Variants in GIPC2 observed in about 807,000 individuals in gnomAD.
The protein encoded by GIPC2 is GIPC PDZ domain containing family member 2.
GIPC2 carries 30 observed loss-of-function variants against 30.6 expected under a neutral mutation model. The ratio of observed to expected loss-of-function variants is 0.98; its 90% CI spans 0.73 to 1.33. The LOEUF (loss-of-function observed/expected upper bound fraction) is 1.33, where lower values mean the gene tolerates loss of function less well. Among genes scored for constraint, GIPC2 ranks in the 40% most tolerant of loss-of-function variants. GIPC2 has a pLI of 0.00. For synonymous variants in GIPC2, 167 were observed against 150.0 expected (o/e 1.11, Z -0.83); for missense variants, 414 against 390.3 (o/e 1.06, Z -0.51).
Position 78,095,124 on chromosome 1 carries a change from A to G in GIPC2, c.599A>G (p.Lys200Arg). 1 of 1,610,584 alleles carries G rather than the reference A, an allele frequency of 6.2e-7. No individual in the cohort carries two copies. The highest frequency in any genetic ancestry group is 2.2e-5 in the East Asian group (1 of 44,836). ...ACTATGAAGTTAATAGAACCTAAGAAGGCATTTGGTAAGTCAGGGGTTGGT... is the reference window on the plus strand; with the variant it reads ...ACTATGAAGTTAATAGAACCTAAGAGGGCATTTGGTAAGTCAGGGGTTGGT... The part of the protein sequence containing the change: ...LFTMKLIEPK[K>R]AFEIELRSKA... Residue 200 changes from lysine to arginine, a missense_variant, in exon 3 of 6, where the codon AAG becomes AGG. Transcript: ENST00000370759.
intron 4 of GIPC2, among the ~76,000 whole-genome samples, chr1:78,123,243 G>T (rs1662716717): frequency 7.5e-6 from 1 of 134,052 alleles, no homozygotes. Flanking sequence ...CTGGGTGACA[G>T]AGTGAGACTC....
chr1:78,112,579 G>A (rs954809357), intron 3 of GIPC2: 6 of 518,212 alleles, frequency 1.2e-5, no homozygotes, highest in African/African-American at 1.2e-4. Flanking sequence ...GCCTCGTTCT[G>A]TGCGGAAGTG....
At chr1:78,090,801 G>A (rs1461712227) in intron 2 of GIPC2, among the ~76,000 whole-genome samples, 1 of 152,168 alleles carries the variant, frequency 6.6e-6, no homozygotes, top group East Asian at 1.9e-4. Flanking sequence ...GGAAGTCAAG[G>A]GGGCAGAGGA....
intron 3 of GIPC2, among the ~76,000 whole-genome samples, chr1:78,105,054 GAC>G (rs1662318864): frequency 6.6e-6 from 1 of 152,146 alleles, no homozygotes; most frequent in African/African-American, 2.4e-5. Flanking sequence ...AGATGTGTTA[GAC>G]AAGTGCTGAG....
chr1:78,070,027 T>C (rs1661588334), intron 1 of GIPC2, among the ~76,000 whole-genome samples: 1 of 152,176 alleles, frequency 6.6e-6, no homozygotes, highest in Non-Finnish European at 1.5e-5. Flanking sequence ...TTTTTAAATA[T>C]CACACTCTCT....
intron 1 of GIPC2, among the ~76,000 whole-genome samples, chr1:78,072,860 A>G (rs1661648068): frequency 6.6e-6 from 1 of 152,114 alleles, no homozygotes; most frequent in African/African-American, 2.4e-5. Flanking sequence ...GCTGGAATGC[A>G]GTGGCATGAT....
intron 3 of GIPC2, among the ~76,000 whole-genome samples, chr1:78,116,150 G>A (rs961143388): frequency 2.0e-5 from 3 of 152,180 alleles, no homozygotes; most frequent in African/African-American, 7.2e-5. Flanking sequence ...AAGAGAGCAT[G>A]CAAGAGCAGG....
intron 5 of GIPC2, among the ~76,000 whole-genome samples, chr1:78,134,085 C>T (rs182934138): frequency 2.6e-5 from 4 of 152,128 alleles, no homozygotes; most frequent in East Asian, 1.9e-4. Context: ...ACCAAGATTT[C>T]GGTGCTTTGT....
chr1:78,081,309 T>A (rs1003575092), intron 2 of GIPC2, among the ~76,000 whole-genome samples: 1 of 152,208 alleles, frequency 6.6e-6, no homozygotes, highest in African/African-American at 2.4e-5. Context: ...GGTTCTGTAT[T>A]AGTGGATTCA....
At position 78,136,037 on chromosome 1, in the gene GIPC2, C is replaced by A; in HGVS notation, c.*294C>A. 4.8e-6 allele frequency: 1 copy of A among 209,472 alleles called. No homozygotes were observed. Among genetic ancestry groups the A allele is most frequent in the Non-Finnish European group, 9.3e-6 (1 of 107,386 alleles). The allele number at this position is 209,472 out of a possible 1,614,324, so 13.0% of individuals were successfully genotyped here. ...ATTTCTCGACAGATGATTTTCTTCT[C>A]CATTAATACCCATGCTTTGTTTTTC... is the stretch of plus-strand genomic sequence containing the variant. On this transcript the variant is annotated 3_prime_UTR_variant, in exon 6 of 6. Transcript: ENST00000370759.
At chr1:78,114,904 G>A (rs1287921012) in intron 3 of GIPC2, among the ~76,000 whole-genome samples, 1 of 152,152 alleles carries the variant, frequency 6.6e-6, no homozygotes, top group African/African-American at 2.4e-5. Context: ...GTGGGGATAG[G>A]GAGCATATGG....
chr1:78,069,269 G>T (rs535100582), intron 1 of GIPC2: 1 of 181,600 alleles, frequency 5.5e-6, no homozygotes, highest in Non-Finnish European at 1.1e-5. Flanking sequence ...TGAAAAGCCT[G>T]AACCTAGAAG....
At chr1:78,083,038 T>C (rs188281843) in intron 2 of GIPC2, among the ~76,000 whole-genome samples, 5 of 152,278 alleles carry the variant, frequency 3.3e-5, no homozygotes, top group African/African-American at 1.2e-4. Context: ...AGTACAATTA[T>C]GAAATTCATA....
In GIPC2 at chr1:78,061,468, G is replaced by T. The variant is rs1217906489; in HGVS notation, c.240+15134G>T. Among the ~76,000 whole-genome samples, 8 of 151,784 alleles carry T rather than the reference G, an allele frequency of 5.3e-5. 1 individual carries two copies. The highest frequency in any genetic ancestry group is 5.3e-4 in the Admixed American group (8 of 15,216). On this transcript the variant is annotated intron_variant, in intron 1 of 5. Transcript: ENST00000370759. ...GGAAGTTGAAGGGACTTAGAGCTTT[G>T]TCAGTGGTAGAATGGTTTTTTTTTG...
chr1:78,114,159 A>G (rs966137785), intron 3 of GIPC2, among the ~76,000 whole-genome samples: 1 of 152,192 alleles, frequency 6.6e-6, no homozygotes, highest in South Asian at 2.1e-4. Context: ...AGTACACTCA[A>G]CTGGGAGCCC....
intron 3 of GIPC2, among the ~76,000 whole-genome samples, chr1:78,101,724 T>C (rs1330002969): frequency 2.6e-5 from 4 of 152,180 alleles, no homozygotes; most frequent in African/African-American, 9.6e-5. Context: ...CCTTATCAAG[T>C]ATCGGCTGGA....
chr1:78,075,596 G>A (rs887890487), intron 1 of GIPC2, among the ~76,000 whole-genome samples: 37 of 152,304 alleles, frequency 2.4e-4, no homozygotes, highest in African/African-American at 7.7e-4. Flanking sequence ...GAAGATGGTG[G>A]TAGAAATTCC....
chr1:78,056,712 T>C (rs909137201), intron 1 of GIPC2, among the ~76,000 whole-genome samples: 7 of 152,224 alleles, frequency 4.6e-5, no homozygotes, highest in Admixed American at 6.5e-5. Flanking sequence ...TGTCAGGAGA[T>C]AGACTTTATC....
chr1:78,110,196 AAC>A (rs943148883), intron 3 of GIPC2, among the ~76,000 whole-genome samples: 2 of 152,200 alleles, frequency 1.3e-5, no homozygotes, highest in African/African-American at 4.8e-5. Context: ...AAAAAAAAGA[AAC>A]AGCCTATAAT....
Sources: allele counts gnomAD v4.1 joint callset (sites outside exome capture counted in the v4.1 genomes callset), GRCh38; gene constraint gnomAD v4.1.1; transcripts MANE v1.5; gene names NCBI Gene and HGNC (gene_info 2026-07-23, HGNC 2026-07-21).